Variants in HYCC2 observed in about 807,000 individuals in gnomAD.
HYCC2 encodes the protein hyccin 2.
chr2:201,036,375 C>A, the HYCC2 span, among the ~76,000 whole-genome samples: 10 of 152,270 alleles, frequency 6.6e-5, no homozygotes, highest in African/African-American at 2.4e-4. Flanking sequence ...AAGAGGGAAT[C>A]CTCCCTAACT....
chr2:201,050,377 T>A, the HYCC2 span, among the ~76,000 whole-genome samples: 1 of 152,092 alleles, frequency 6.6e-6, no homozygotes, highest in African/African-American at 2.4e-5. Flanking sequence ...TTAAAAATCT[T>A]TCCTTAAAGA....
chr2:201,026,780 C>A, the HYCC2 span, among the ~76,000 whole-genome samples: 1 of 152,106 alleles, frequency 6.6e-6, no homozygotes, highest in Admixed American at 6.6e-5. Flanking sequence ...AACAAAGACA[C>A]AACATACTAG....
At chr2:201,054,394 A>G in the HYCC2 span, among the ~76,000 whole-genome samples, 1 of 152,202 alleles carries the variant, frequency 6.6e-6, no homozygotes, top group South Asian at 2.1e-4. Flanking sequence ...GAAATCATGA[A>G]ATGTGGGAAT....
At chr2:200,979,509 C>T in the HYCC2 span, 3 of 150,604 alleles carry the variant, frequency 2.0e-5, no homozygotes, top group Non-Finnish European at 3.0e-5. Flanking sequence ...ACAATAAAAA[C>T]GGGAGGATTG....
At chr2:201,013,216 C>A in the HYCC2 span, among the ~76,000 whole-genome samples, 1 of 152,116 alleles carries the variant, frequency 6.6e-6, no homozygotes, top group Non-Finnish European at 1.5e-5. Context: ...CGCCTGTAAT[C>A]CCAGCACTTT....
chr2:201,052,056 T>C, the HYCC2 span: 1 of 152,278 alleles, frequency 6.6e-6, no homozygotes, highest in Admixed American at 6.5e-5. Flanking sequence ...CTAGCACTTT[T>C]GGAGGGCAAG....
chr2:201,055,459 G>A, the HYCC2 span, among the ~76,000 whole-genome samples: 1 of 151,518 alleles, frequency 6.6e-6, no homozygotes, highest in Admixed American at 6.6e-5. Context: ...AGCACTTTGG[G>A]AGGCCGAGGA....
At chr2:200,974,550 T>A in the HYCC2 span, 2 of 151,942 alleles carry the variant, frequency 1.3e-5, no homozygotes, top group Non-Finnish European at 2.9e-5. Context: ...CAATTCAGTA[T>A]GGATGATAAA....
the HYCC2 span, among the ~76,000 whole-genome samples, chr2:201,019,894 A>G: frequency 6.6e-6 from 1 of 152,130 alleles, no homozygotes; most frequent in African/African-American, 2.4e-5. Context: ...GTTCAAGGCC[A>G]GCCTTGAACA....
At chr2:201,034,093 T>G in the HYCC2 span, among the ~76,000 whole-genome samples, 101 of 152,180 alleles carry the variant, frequency 6.6e-4, no homozygotes, top group African/African-American at 2.4e-3. Context: ...CCCATACCAC[T>G]TAAAAAAATG....
At chr2:201,002,017 A>T in the HYCC2 span, among the ~76,000 whole-genome samples, 1 of 152,148 alleles carries the variant, frequency 6.6e-6, no homozygotes, top group Non-Finnish European at 1.5e-5. Context: ...ATCTCAATTT[A>T]AAAAATAAAT....
the HYCC2 span, among the ~76,000 whole-genome samples, chr2:201,049,975 C>A: frequency 6.6e-6 from 1 of 152,120 alleles, no homozygotes; most frequent in South Asian, 2.1e-4. Flanking sequence ...GCTGGGATTA[C>A]AGGCGTGAGC....
the HYCC2 span, chr2:200,981,957 G>A: frequency 1.1e-5 from 16 of 1,438,644 alleles, no homozygotes; most frequent in South Asian, 1.8e-4. This position sits in a 1 kb window ranked among gnomAD's most constrained non-coding sequence, Gnocchi z 4.5. Flanking sequence ...TATCTCTTGG[G>A]CAATGTTCGC....
At chr2:201,008,599 T>C in the HYCC2 span, among the ~76,000 whole-genome samples, 6 of 151,738 alleles carry the variant, frequency 4.0e-5, no homozygotes, top group Non-Finnish European at 2.9e-5. Context: ...TGTCTCTAAA[T>C]AAATAAATAA....
chr2:200,978,887 T>C, the HYCC2 span: 131 of 152,320 alleles, frequency 8.6e-4, no homozygotes, highest in African/African-American at 2.9e-3. Flanking sequence ...TTATGTGGTA[T>C]TTCTTTTGTG....
chr2:201,042,078 T>C, the HYCC2 span, among the ~76,000 whole-genome samples: 21 of 152,174 alleles, frequency 1.4e-4, no homozygotes, highest in Middle Eastern at 3.2e-3. Flanking sequence ...TGCCTCAGAC[T>C]GCCAAGTGCC....
the HYCC2 span, chr2:200,987,662 ATGTGTGTGCATGCTGT>A: frequency 3.4e-6 from 2 of 583,776 alleles, no homozygotes; most frequent in Non-Finnish European, 5.2e-6. Flanking sequence ...ATATAGTTAC[ATGTGTGTGCATGCTGT>A]GCACACACAT....
At chr2:201,032,316 T>TA in the HYCC2 span, among the ~76,000 whole-genome samples, 1 of 152,192 alleles carries the variant, frequency 6.6e-6, no homozygotes, top group Non-Finnish European at 1.5e-5. Context: ...AGCTTTATCC[T>TA]AATTCATTTT....
chr2:201,024,136 T>G, the HYCC2 span: 1 of 649,046 alleles, frequency 1.5e-6, no homozygotes, highest in Non-Finnish European at 2.6e-6. Flanking sequence ...ATTAATCTAC[T>G]ATACATTTTA....
Sources: allele counts gnomAD v4.1 joint callset (sites outside exome capture counted in the v4.1 genomes callset), GRCh38; gene constraint gnomAD v4.1.1; non-coding constraint Gnocchi (gnomAD v3.1); transcripts MANE v1.5; gene names NCBI Gene and HGNC (gene_info 2026-07-23, HGNC 2026-07-21).